The following ADD1 variants were observed in gnomAD, a reference collection of about 807,000 sequenced individuals.
ADD1 encodes alpha-adducin.
ADD1 carries 24 observed loss-of-function variants against 80.5 expected under a neutral mutation model. That is an observed-to-expected ratio of 0.30 (90% CI 0.22 to 0.42). The LOEUF is 0.42. Ranked by LOEUF, ADD1 falls within the 10% of genes least tolerant of loss-of-function variation. ADD1 has a pLI of 1.00. For missense variants in ADD1, 948 were observed against 1,019.0 expected, an observed-to-expected ratio of 0.93 and a Z score of 0.95; for synonymous variants, 373 against 393.8, an observed-to-expected ratio of 0.95 and a Z score of 0.63.
At chr4:2,904,567 G>A in intron 9 of ADD1, 197 bp from the exon 10 acceptor site, 2 of 605,546 alleles carry the variant, frequency 3.3e-6, no homozygotes, top group Non-Finnish European at 5.8e-6. Context: ...GAGGAGTAGG[G>A]TTGCTGTCCA....
chr4:2,913,328 C>G (rs1183991672), intron 13 of ADD1, among the ~76,000 whole-genome samples: 1 of 152,216 alleles, frequency 6.6e-6, no homozygotes, highest in Middle Eastern at 3.2e-3. Context: ...TGTGAGGGCT[C>G]TTAGCAGTGG....
intron 1 of ADD1, among the ~76,000 whole-genome samples, chr4:2,856,954 C>T (rs1728171592): frequency 6.9e-6 from 1 of 145,408 alleles, no homozygotes; most frequent in Non-Finnish European, 1.5e-5. Flanking sequence ...GCTTTGTCGC[C>T]CAGGCTGGAG....
Position 2,882,077 on chromosome 4 carries a change from T to C in ADD1, c.358+17T>C. The stretch of plus-strand genomic sequence containing the variant: ...TAAACATGAGTGAGTAGTTCCTGAT[T>C]TTTAATATATGTTCTGTAGTTTTCA... On this transcript the variant is annotated intron_variant, in intron 3 of 15. Transcript: ENST00000683351. 1 of 1,577,010 alleles carries C rather than the reference T, an allele frequency of 6.3e-7. No individual in the cohort carries two copies. Among genetic ancestry groups the C allele is most frequent in the Non-Finnish European group, 8.6e-7 (1 of 1,167,666 alleles).
chr4:2,898,748 T>C (rs1735681266), intron 8 of ADD1: 2 of 556,738 alleles, frequency 3.6e-6, no homozygotes, highest in Admixed American at 3.1e-5. Context: ...AATTTTTAAA[T>C]TTTCAAATAT....
intron 4 of ADD1, among the ~76,000 whole-genome samples, chr4:2,893,198 G>A (rs1157449770): frequency 6.6e-6 from 1 of 151,966 alleles, no homozygotes; most frequent in Non-Finnish European, 1.5e-5. Context: ...CAAAGTGCTG[G>A]GATTACAGGC....
At chr4:2,919,602 A>C (rs1739654307) in intron 14 of ADD1, among the ~76,000 whole-genome samples, 1 of 152,090 alleles carries the variant, frequency 6.6e-6, no homozygotes, top group South Asian at 2.1e-4. Flanking sequence ...CATTTCTTCT[A>C]GATTTTCTAG....
chr4:2,876,281 A>T, intron 2 of ADD1, 171 bp downstream of exon 2: 1 of 523,116 alleles, frequency 1.9e-6, no homozygotes, highest in Non-Finnish European at 3.2e-6. Context: ...TCATGTTATC[A>T]GACATCATAA....
At chr4:2,898,400 C>G (rs1359661977) in intron 7 of ADD1, 33 bp from the exon 8 acceptor site, 3 of 1,613,582 alleles carry the variant, frequency 1.9e-6, no homozygotes, top group Non-Finnish European at 2.5e-6. Context: ...GTCTTCCTGC[C>G]CAGCTCCACA....
Position 2,926,796 on chromosome 4 carries a change from T to C in ADD1, c.2047+684T>C. Reference sequence around the variant, plus strand: ...TTTAAAATAAAAACAGAAGCCCCCCTTTTTTGTACCCAGTCCCTTGGAGGC... The same window carrying C: ...TTTAAAATAAAAACAGAAGCCCCCCCTTTTTGTACCCAGTCCCTTGGAGGC... On this transcript the variant is annotated intron_variant, in intron 15 of 15. Transcript: ENST00000683351. This position sits in a 1 kb window ranked among gnomAD's most constrained non-coding sequence, Gnocchi z 5.0. 2 of 1,165,538 alleles carry C rather than the reference T, an allele frequency of 1.7e-6. No individual in the cohort carries two copies. The highest frequency in any genetic ancestry group is 1.2e-6 in the Non-Finnish European group (1 of 820,120). 72.2% of individuals were successfully genotyped at this position (1,165,538 alleles called of 1,614,324 possible). A position where few individuals can be genotyped will look rare whatever the true frequency, so the allele number is the denominator to read the frequency against.
At chr4:2,925,917 G>A in intron 14 of ADD1, 97 bp from the exon 15 acceptor site, 1 of 954,350 alleles carries the variant, frequency 1.0e-6, no homozygotes, top group Non-Finnish European at 1.6e-6. Context: ...CTTCTCAGAG[G>A]GCGGCCGAGC....
intron 12 of ADD1, chr4:2,908,887 G>T (rs191499698): frequency 2.0e-6 from 1 of 504,424 alleles, no homozygotes; most frequent in Non-Finnish European, 3.6e-6. Context: ...GCTCAGATTC[G>T]GCCCGGGTTC....
rs556313785 is a variant in ADD1 at position 2,909,390 on chromosome 4, G to A, written c.1750G>A (p.Glu584Lys). ...TETIEGLELT[E>K]QTFSPAKSLS... Reference sequence around the variant, plus strand: ...AACTATCGAAGGGCTCGAGCTTACAGAGCAGACCTTTAGTCCCGCTAAATC... The same window carrying A: ...AACTATCGAAGGGCTCGAGCTTACAAAGCAGACCTTTAGTCCCGCTAAATC... The change falls in exon 13 of 16, where the codon GAG (glutamate) becomes AAG (lysine). Residue 584 changes from glutamate to lysine, a missense_variant. By Grantham distance (56) the Glu-to-Lys change is moderately conservative. Transcript: ENST00000683351. The A allele has an allele frequency of 7.4e-5, 115 of 1,550,536 alleles. No homozygotes were observed. In the African/African-American group the frequency reaches 1.5e-3, roughly 20 times the overall value.
chr4:2,913,297 A>G (rs911641763), intron 13 of ADD1, among the ~76,000 whole-genome samples: 29 of 152,240 alleles, frequency 1.9e-4, no homozygotes, highest in Admixed American at 1.3e-3. Flanking sequence ...TTGCTGGGAT[A>G]CCATCTCTAG....
At chr4:2,867,217 C>A (rs774408555) in intron 1 of ADD1, among the ~76,000 whole-genome samples, 1 of 152,156 alleles carries the variant, frequency 6.6e-6, no homozygotes, top group African/African-American at 2.4e-5. Context: ...TTAGACAATT[C>A]GTGGTCACTT....
In ADD1 at chr4:2,843,988, C is replaced by T. The variant is rs1361153205; in HGVS notation, c.-57C>T. The stretch of plus-strand genomic sequence containing the variant: ...GACGGGCGGTGGCCGCACTGGGACC[C>T]CGGAATCCCGCGCGCTGCCCACGAT... On this transcript the variant is annotated 5_prime_UTR_variant, in exon 1 of 16. Transcript: ENST00000683351. 6.6e-6 allele frequency: 1 copy of T among 152,640 alleles called. No individual in the cohort carries two copies. The highest frequency in any genetic ancestry group is 1.5e-5 in the Non-Finnish European group (1 of 68,120). The allele number at this position is 152,640 out of a possible 1,614,324, so 9.5% of individuals were successfully genotyped here.
At chr4:2,852,845 C>G (rs1727522719) in intron 1 of ADD1, among the ~76,000 whole-genome samples, 1 of 151,694 alleles carries the variant, frequency 6.6e-6, no homozygotes, top group African/African-American at 2.4e-5. Context: ...GCCTGCAGAC[C>G]CACCCCACCA....
intron 2 of ADD1, among the ~76,000 whole-genome samples, chr4:2,879,385 CATATT>C (rs1731867223): frequency 6.6e-6 from 1 of 152,096 alleles, no homozygotes; most frequent in Non-Finnish European, 1.5e-5. Flanking sequence ...TGGCAAGGAC[CATATT>C]ATTTATCAGT....
intron 1 of ADD1, among the ~76,000 whole-genome samples, chr4:2,865,800 C>G (rs1165476408): frequency 1.3e-5 from 2 of 152,130 alleles, no homozygotes; most frequent in Non-Finnish European, 2.9e-5. Flanking sequence ...GATTTCATCA[C>G]TTCAACAAAA....
chr4:2,899,180 C>T (rs1201710855), intron 8 of ADD1, 79 bp from the exon 9 acceptor site: 1 of 1,427,944 alleles, frequency 7.0e-7, no homozygotes, highest in Non-Finnish European at 9.5e-7. Flanking sequence ...TCTTTTGAAA[C>T]CTACATTTTT....
Sources: gnomAD v4.1 joint callset for allele counts (sites outside exome capture counted in the v4.1 genomes callset) on GRCh38, gnomAD v4.1.1 for gene constraint, Gnocchi (gnomAD v3.1) non-coding constraint, MANE v1.5 for transcripts, NCBI Gene and HGNC (gene_info 2026-07-23, HGNC 2026-07-21) for gene names.